INSL6: variants seen among roughly 807,000 people sequenced by gnomAD.
INSL6 encodes the protein insulin-like peptide INSL6.
A neutral mutation model predicts 9.4 loss-of-function variants in INSL6; 16 were observed. That is an observed-to-expected ratio of 1.70 (90% CI 1.15 to 2.59). INSL6 has a LOEUF of 2.59. Among genes scored for constraint, INSL6 ranks in the 30% most tolerant of loss-of-function variants. The probability of loss-of-function intolerance (pLI) is 0.00; values close to 1 mark genes in which losing one functional copy is unlikely to be tolerated. For synonymous variants in INSL6, 154 were observed against 96.9 expected, an observed-to-expected ratio of 1.59 and a Z score of -3.46; for missense variants, 391 against 257.3, an observed-to-expected ratio of 1.52 and a Z score of -3.56.
At chr9:5,165,669 A>G (rs1007314574) in intron 1 of INSL6, among the ~76,000 whole-genome samples, 12 of 152,180 alleles carry the variant, frequency 7.9e-5, no homozygotes, top group Admixed American at 6.5e-5. Flanking sequence ...GTTCTTTATT[A>G]AAATATAAAG....
chr9:5,123,894 T>C (rs1260166592), exon 4 of INSL6, among the ~76,000 whole-genome samples: 1 of 149,858 alleles, frequency 6.7e-6, no homozygotes, highest in Non-Finnish European at 1.5e-5. Flanking sequence ...TTCTCTTTTT[T>C]TTTTTTGTCA....
At chr9:5,078,910 A>G in the INSL6 span, among the ~76,000 whole-genome samples, 1 of 152,164 alleles carries the variant, frequency 6.6e-6, no homozygotes, top group Admixed American at 6.5e-5. Context: ...GTTCATCTTT[A>G]CTACTTAACA....
intron 1 of INSL6, among the ~76,000 whole-genome samples, chr9:5,167,779 A>T (rs1315721712): frequency 6.6e-6 from 1 of 152,168 alleles, no homozygotes; most frequent in Non-Finnish European, 1.5e-5. Context: ...CCCTGATCCT[A>T]TTCCTCCAAA....
Position 5,127,216 on chromosome 9 carries a change from C to T in INSL6, c.*11-2705G>A, listed in dbSNP as rs190355765. On this transcript the variant is annotated intron_variant, in intron 3 of 3. Coordinates refer to the INSL6 transcript ENST00000649639. ...GGCATCTTGTGTGATGTTTTACACA[C>T]ATGAGGGCTGGTGTTCATTAATACT... The T allele has an allele frequency of 7.3e-5, 17 of 233,684 alleles. No homozygotes were observed. The Admixed American group carries it at 7.9e-4, about 11-fold the overall frequency. 14.5% of individuals were successfully genotyped at this position (233,684 alleles called of 1,614,324 possible).
chr9:5,146,227 G>A (rs1824600181), intron 2 of INSL6, among the ~76,000 whole-genome samples: 1 of 152,132 alleles, frequency 6.6e-6, no homozygotes, highest in Non-Finnish European at 1.5e-5. Context: ...CCAGTATTCA[G>A]CTCCCAAATC....
chr9:5,029,943 A>G, the INSL6 span: 1 of 1,535,206 alleles, frequency 6.5e-7, no homozygotes, highest in Non-Finnish European at 8.8e-7. Flanking sequence ...TTAATGCTAA[A>G]AGGCAAAATG....
the INSL6 span, chr9:5,077,593 A>T: frequency 6.9e-7 from 1 of 1,452,946 alleles, no homozygotes; most frequent in Admixed American, 2.7e-5. Context: ...AAGTAGTACA[A>T]CCTTTTTATC....
At chr9:5,170,606 T>C (rs1001514914) in intron 1 of INSL6, among the ~76,000 whole-genome samples, 1 of 145,760 alleles carries the variant, frequency 6.9e-6, no homozygotes, top group Non-Finnish European at 1.5e-5. Flanking sequence ...GGTAGGCTAA[T>C]AAAGAAATGA....
the INSL6 span, among the ~76,000 whole-genome samples, chr9:4,998,803 A>G: frequency 6.6e-6 from 1 of 151,744 alleles, no homozygotes; most frequent in African/African-American, 2.4e-5. Flanking sequence ...AATAATTTAT[A>G]TTTTCTTCTC....
the INSL6 span, among the ~76,000 whole-genome samples, chr9:5,007,091 T>C: frequency 3.3e-5 from 5 of 152,128 alleles, no homozygotes; most frequent in African/African-American, 1.2e-4. Flanking sequence ...TTTACTTTGC[T>C]TTTCTTTATT....
downstream of INSL6, among the ~76,000 whole-genome samples, chr9:5,161,540 C>A (rs931336931): frequency 6.6e-6 from 1 of 152,118 alleles, no homozygotes; most frequent in Non-Finnish European, 1.5e-5. Context: ...ACAAGGTTGT[C>A]CCCTTTCACT....
chr9:5,060,649 T>G, the INSL6 span, among the ~76,000 whole-genome samples: 110 of 152,358 alleles, frequency 7.2e-4, 1 homozygote, highest in African/African-American at 2.5e-3. Flanking sequence ...CACATCCTAG[T>G]GACTTCCTCC....
At chr9:5,034,326 G>T in the INSL6 span, among the ~76,000 whole-genome samples, 2 of 152,148 alleles carry the variant, frequency 1.3e-5, no homozygotes, top group South Asian at 2.1e-4. Context: ...ACATTAGACA[G>T]ATCAACAAGA....
chr9:5,098,833 ACAG>A, the INSL6 span: 13,401 of 152,136 alleles, frequency 0.088, 1,822 homozygotes, highest in African/African-American at 0.3. Context: ...AGCTGGGACT[ACAG>A]GCGACCGCCA....
downstream of INSL6, among the ~76,000 whole-genome samples, chr9:5,118,930 G>T (rs1037898619): frequency 1.3e-5 from 2 of 152,070 alleles, no homozygotes; most frequent in African/African-American, 4.8e-5. Context: ...CTCAATTTCT[G>T]AAAAGTATAC....
the INSL6 span, among the ~76,000 whole-genome samples, chr9:5,079,488 T>C: frequency 1.4e-5 from 2 of 148,066 alleles, no homozygotes; most frequent in Non-Finnish European, 2.9e-5. Flanking sequence ...AAATGCTTGT[T>C]GGTCCTTGGG....
the INSL6 span, among the ~76,000 whole-genome samples, chr9:5,102,483 G>C: frequency 6.6e-6 from 1 of 152,136 alleles, no homozygotes; most frequent in South Asian, 2.1e-4. Flanking sequence ...ATATTATCCA[G>C]GAGAACTTCC....
At chr9:5,132,447 A>G in intron 3 of INSL6, among the ~76,000 whole-genome samples, 1 of 152,214 alleles carries the variant, frequency 6.6e-6, no homozygotes, top group South Asian at 2.1e-4. Flanking sequence ...ATCAAATGCC[A>G]AAAATACCTT....
chr9:5,070,106 G>T, the INSL6 span: 3 of 1,296,518 alleles, frequency 2.3e-6, no homozygotes, highest in Admixed American at 2.1e-5. Context: ...AACAACATCT[G>T]TTTTCTTGAT....
Sources: allele counts gnomAD v4.1 joint callset (sites outside exome capture counted in the v4.1 genomes callset), GRCh38; gene constraint gnomAD v4.1.1; transcripts MANE v1.5; gene names NCBI Gene and HGNC (gene_info 2026-07-23, HGNC 2026-07-21).